The following TRERF1 variants were observed in gnomAD, a reference collection of about 807,000 sequenced individuals.
TRERF1 encodes the protein transcriptional regulating factor 1, also known as transcriptional-regulating factor 1.
In TRERF1, 27 loss-of-function variants were observed where a neutral mutation model predicts 122.9. The observed-to-expected ratio is 0.22, with a 90% CI of 0.16 to 0.30. The LOEUF is 0.30. TRERF1 is among the 10% of genes least tolerant of loss of function. TRERF1 has a pLI of 1.00. For missense variants in TRERF1, 1,248 were observed against 1,560.3 expected (o/e 0.80, Z 3.37); for synonymous variants, 636 against 641.7 (o/e 0.99, Z 0.13).
intron 4 of TRERF1, among the ~76,000 whole-genome samples, chr6:42,289,343 C>CAAA (rs145805556): frequency 3.1e-5 from 4 of 131,056 alleles, no homozygotes; most frequent in African/African-American, 1.2e-4. Flanking sequence ...AAAAAACAAA[C>CAAA]AAACAAAAAA....
intron 2 of TRERF1, among the ~76,000 whole-genome samples, chr6:42,444,861 G>A (rs260245): frequency 0.7 from 105,836 of 151,922 alleles, 37,045 homozygotes; most frequent in Middle Eastern, 0.73. Context: ...TTGACTACAC[G>A]GGCTGTCCGC....
chr6:42,227,358 T>C (rs1769693628), exon 18 of TRERF1: 1 of 152,270 alleles, frequency 6.6e-6, no homozygotes. Flanking sequence ...GGTTTCACAG[T>C]ACTTCCAAGT....
chr6:42,298,307 C>T (rs1785450097), intron 4 of TRERF1, among the ~76,000 whole-genome samples: 1 of 151,678 alleles, frequency 6.6e-6, no homozygotes, highest in African/African-American at 2.4e-5. Context: ...AGGTGCGCGC[C>T]ACCACACCTG....
intron 2 of TRERF1, among the ~76,000 whole-genome samples, chr6:42,432,996 A>G (rs1205099061): frequency 6.6e-6 from 1 of 152,210 alleles, no homozygotes; most frequent in Non-Finnish European, 1.5e-5. Context: ...GGTACAGAAC[A>G]GCTACATAAG....
At chr6:42,240,204 C>T (rs897152760) in intron 15 of TRERF1, among the ~76,000 whole-genome samples, 3 of 152,228 alleles carry the variant, frequency 2.0e-5, no homozygotes, top group African/African-American at 7.2e-5. Flanking sequence ...GTTTATGAAT[C>T]AGAGCAACTC....
intron 13 of TRERF1, among the ~76,000 whole-genome samples, chr6:42,253,293 G>A (rs1300097606): frequency 6.6e-6 from 1 of 152,114 alleles, no homozygotes; most frequent in African/African-American, 2.4e-5. Flanking sequence ...AGGCTCTGGC[G>A]ACCCTAGCCA....
At chr6:42,439,295 G>C in intron 2 of TRERF1, among the ~76,000 whole-genome samples, 1 of 152,164 alleles carries the variant, frequency 6.6e-6, no homozygotes, top group Middle Eastern at 3.4e-3. Flanking sequence ...ACGTGACATC[G>C]GGTTCTCCCT....
intron 2 of TRERF1, among the ~76,000 whole-genome samples, chr6:42,447,307 G>A (rs1204782230): frequency 1.3e-5 from 2 of 152,070 alleles, no homozygotes; most frequent in Non-Finnish European, 2.9e-5. Flanking sequence ...GTTTTCTTTA[G>A]CCCAGAAGAA....
At position 42,276,939 on chromosome 6, in the gene TRERF1, T is replaced by C. The variant is rs997688383; in HGVS notation, c.-258-7091A>G. On this transcript the variant is annotated intron_variant, in intron 4 of 17. Transcript: ENST00000372922. This position sits in a 1 kb window ranked among gnomAD's most constrained non-coding sequence, Gnocchi z 4.3. ...GAACCTGCAAAATGGAGGGTTTGGA[T>C]TTTGCTTCCTGCAGGTGGCTCCTCA... is the stretch of plus-strand genomic sequence containing the variant. 2.0e-5 allele frequency among the ~76,000 whole-genome samples: 3 copies of C among 152,174 alleles called. No homozygotes were observed. The highest frequency in any genetic ancestry group is 4.4e-5 in the Non-Finnish European group (3 of 68,016).
At chr6:42,349,282 T>G (rs947837940) in intron 3 of TRERF1, among the ~76,000 whole-genome samples, 4 of 151,980 alleles carry the variant, frequency 2.6e-5, no homozygotes, top group African/African-American at 9.7e-5. Context: ...CTGTCTTTTT[T>G]TTTTTCCACT....
At chr6:42,317,900 T>C (rs2150411484) in intron 3 of TRERF1, among the ~76,000 whole-genome samples, 1 of 152,182 alleles carries the variant, frequency 6.6e-6, no homozygotes, top group East Asian at 1.9e-4. Context: ...ACACCTGTAA[T>C]CCCAGCACTT....
chr6:42,254,066 C>G (rs1776297907), intron 13 of TRERF1, among the ~76,000 whole-genome samples: 1 of 152,232 alleles, frequency 6.6e-6, no homozygotes. Flanking sequence ...TTCTTAGGCT[C>G]TCCGACCTAT....
intron 2 of TRERF1, among the ~76,000 whole-genome samples, chr6:42,385,669 G>T (rs1486541257): frequency 6.6e-6 from 1 of 152,084 alleles, no homozygotes. Context: ...TGTTTTAATG[G>T]CATATTACTC....
chr6:42,289,080 T>G (rs1783821911), intron 4 of TRERF1, among the ~76,000 whole-genome samples: 2 of 151,884 alleles, frequency 1.3e-5, no homozygotes, highest in Non-Finnish European at 2.9e-5. Flanking sequence ...TCCCAGCACT[T>G]TGGGAGGCCA....
intron 17 of TRERF1, among the ~76,000 whole-genome samples, chr6:42,231,827 C>G (rs926343287): frequency 3.9e-5 from 6 of 152,152 alleles, no homozygotes; most frequent in Non-Finnish European, 8.8e-5. Context: ...TGCATTCGGA[C>G]AAAACTGGGT....
intron 3 of TRERF1, among the ~76,000 whole-genome samples, chr6:42,304,111 T>C (rs1010389828): frequency 2.6e-5 from 4 of 152,192 alleles, no homozygotes; most frequent in Non-Finnish European, 4.4e-5. Flanking sequence ...ACTTGTTTTC[T>C]GCAACAGTGG....
At chr6:42,296,304 C>A (rs1218167822) in intron 4 of TRERF1, among the ~76,000 whole-genome samples, 1 of 152,152 alleles carries the variant, frequency 6.6e-6, no homozygotes, top group Non-Finnish European at 1.5e-5. Context: ...GGCTGGGATT[C>A]CCACATTTAC....
intron 16 of TRERF1, 21 bp downstream of exon 16, chr6:42,236,184 A>G: frequency 6.5e-7 from 1 of 1,542,420 alleles, no homozygotes; most frequent in Non-Finnish European, 8.7e-7. Flanking sequence ...CCAGATCCCC[A>G]GACGACACAG....
chr6:42,404,674 TCTC>T (rs1554205289), intron 2 of TRERF1, among the ~76,000 whole-genome samples: 1 of 152,046 alleles, frequency 6.6e-6, no homozygotes, highest in Non-Finnish European at 1.5e-5. Flanking sequence ...AGCAGGATAC[TCTC>T]CTCCTGCCTC....
Sources: gnomAD v4.1 joint callset for allele counts (sites outside exome capture counted in the v4.1 genomes callset) on GRCh38, gnomAD v4.1.1 for gene constraint, Gnocchi (gnomAD v3.1) non-coding constraint, MANE v1.5 for transcripts, NCBI Gene and HGNC (gene_info 2026-07-23, HGNC 2026-07-21) for gene names.